COL27A1: variants seen among roughly 807,000 people sequenced by gnomAD.
COL27A1 encodes the protein collagen alpha-1(XXVII) chain.
In COL27A1, 106 loss-of-function variants were observed where a neutral mutation model predicts 251.3. That is an observed-to-expected ratio of 0.42 (90% CI 0.36 to 0.50). The LOEUF (loss-of-function observed/expected upper bound fraction) is 0.50. Among genes scored for constraint, COL27A1 ranks in the 20% least tolerant of loss-of-function variants. The pLI, the probability that COL27A1 is intolerant of heterozygous loss-of-function variation, is 0.00. For missense variants in COL27A1, 2,325 were observed against 2,522.8 expected, an observed-to-expected ratio of 0.92 and a Z score of 1.68; for synonymous variants, 1,000 against 986.3, an observed-to-expected ratio of 1.01 and a Z score of -0.26.
Position 114,242,233 on chromosome 9 carries a change from T to A in COL27A1, c.2880+2T>A. The stretch of plus-strand genomic sequence containing the variant: ...CCGCCAGGGGCCCCTGGCTTGGAGG[T>A]GAGTGTCACTGGCCTGGGGTAGGTG... On this transcript the variant is annotated splice_donor_variant, in intron 22 of 60. Transcript: ENST00000356083. LOFTEE classifies it high-confidence loss of function. 6.2e-7 allele frequency: 1 copy of A among 1,609,346 alleles called. No individual in the cohort carries two copies. The highest frequency in any genetic ancestry group is 8.5e-7 in the Non-Finnish European group (1 of 1,178,148).
chr9:114,174,714 C>A (rs4406486), intron 3 of COL27A1, among the ~76,000 whole-genome samples: 102,347 of 152,046 alleles, frequency 0.67, 34,674 homozygotes, highest in South Asian at 0.8. Context: ...CAAACTAAGG[C>A]CCGGAGGCCC....
chr9:114,299,547 C>T (rs777586178), intron 49 of COL27A1, among the ~76,000 whole-genome samples: 9 of 152,190 alleles, frequency 5.9e-5, no homozygotes, highest in African/African-American at 1.4e-4. Flanking sequence ...ATGGTGTCTG[C>T]GTGACTTTTA....
intron 2 of COL27A1, among the ~76,000 whole-genome samples, chr9:114,164,770 AT>A (rs1364116453): frequency 6.6e-6 from 1 of 152,240 alleles, no homozygotes; most frequent in African/African-American, 2.4e-5. Flanking sequence ...ACTAAAACAT[AT>A]ACCACTAAGA....
chr9:114,169,221 C>A lies in COL27A1; in HGVS notation c.1666C>A (p.Pro556Thr), dbSNP rs1030186054. Reference protein sequence around the residue: ...GPKSSPRKPVPLRPGKAARDV... With the variant: ...GPKSSPRKPVTLRPGKAARDV... The stretch of plus-strand genomic sequence containing the variant: ...CAAGAGCAGCCCCCGGAAGCCTGTC[C>A]CCCTCAGACCTGGGAAGGCAGCCAG... The change falls in exon 3 of 61, where the codon CCC becomes ACC. Residue 556 changes from proline (P) to threonine (T), a missense_variant. By Grantham distance (38) the Pro-to-Thr change is conservative. Coordinates refer to ENST00000356083, the MANE Select transcript of COL27A1 (RefSeq NM_032888.4). 5 of 1,613,860 alleles carry A rather than the reference C, an allele frequency of 3.1e-6. No homozygotes were observed. The African/African-American group carries it at 5.3e-5, about 17-fold the overall frequency.
chr9:114,194,294 G>C, intron 5 of COL27A1, 110 bp from the exon 6 acceptor site: 1 of 1,000,256 alleles, frequency 1.0e-6, no homozygotes, highest in Non-Finnish European at 1.6e-6. Context: ...GTGGGAGGAT[G>C]GATGGGAAGG....
In COL27A1 at chr9:114,301,069, T is replaced by C; in HGVS notation, c.4702-3T>C. 1.9e-6 allele frequency: 3 copies of C among 1,607,030 alleles called. No individual in the cohort carries two copies. The highest frequency in any genetic ancestry group is 2.6e-6 in the Non-Finnish European group (3 of 1,176,466). On this transcript the variant is annotated splice_region_variant and splice_polypyrimidine_tract_variant and intron_variant, in intron 51 of 60. Coordinates refer to ENST00000356083, the MANE Select transcript of COL27A1 (RefSeq NM_032888.4). The stretch of plus-strand genomic sequence containing the variant: ...GACACATGAGCCTTTCTGTCTCCTT[T>C]AGGGAAAGGAAGGCATCGTCGGGCC...
chr9:114,154,495 T>C (rs1399795738), upstream of COL27A1, among the ~76,000 whole-genome samples: 2 of 151,726 alleles, frequency 1.3e-5, no homozygotes, highest in Non-Finnish European at 2.9e-5. The surrounding 1 kb of genome is among the most constrained non-coding windows in gnomAD (Gnocchi z 5.8). Flanking sequence ...TGTGCACATG[T>C]GCGGTGGGCA....
intron 23 of COL27A1, 21 bp downstream of exon 23, chr9:114,243,581 C>T (rs748364767): frequency 4.7e-5 from 75 of 1,606,222 alleles, no homozygotes; most frequent in Non-Finnish European, 6.1e-5. Flanking sequence ...CTGGAGATCC[C>T]TGGGGACAAG....
intron 55 of COL27A1, 154 bp downstream of exon 55, chr9:114,301,871 C>T: frequency 1.1e-6 from 1 of 933,838 alleles, no homozygotes; most frequent in Admixed American, 2.4e-5. Context: ...ATCCCCCGAA[C>T]ATTCACTTTT....
At chr9:114,229,282 G>A (rs1404545359) in intron 14 of COL27A1, among the ~76,000 whole-genome samples, 1 of 152,252 alleles carries the variant, frequency 6.6e-6, no homozygotes, top group Non-Finnish European at 1.5e-5. Flanking sequence ...GGGGTTGGGA[G>A]AGTGAGAATC....
intron 45 of COL27A1, 133 bp downstream of exon 45, chr9:114,289,428 C>A (rs953586757): frequency 3.8e-6 from 3 of 785,460 alleles, no homozygotes; most frequent in Non-Finnish European, 6.0e-6. Context: ...CCACCAGGAG[C>A]CCGGCAGGCT....
At chr9:114,220,403 T>C (rs1831008276) in intron 13 of COL27A1, among the ~76,000 whole-genome samples, 1 of 152,122 alleles carries the variant, frequency 6.6e-6, no homozygotes, top group African/African-American at 2.4e-5. Flanking sequence ...GGAGAAGGTG[T>C]TCATGGTTCC....
Position 114,188,744 on chromosome 9 carries a change from T to G in COL27A1, c.2017-5660T>G, listed in dbSNP as rs1828554402. 2.0e-5 allele frequency among the ~76,000 whole-genome samples: 3 copies of G among 152,334 alleles called. No homozygotes were observed. In the East Asian group the frequency reaches 5.8e-4, roughly 29 times the overall value. On this transcript the variant is annotated intron_variant, in intron 5 of 60. Coordinates refer to ENST00000356083, the MANE Select transcript of COL27A1 (RefSeq NM_032888.4). The stretch of plus-strand genomic sequence containing the variant: ...CAATTGCCTTCTAGAAAGGTTAAAC[T>G]GATTTATGCTGCTGCTAGCATTAAA...
chr9:114,172,914 G>A (rs1225800591), intron 3 of COL27A1, among the ~76,000 whole-genome samples: 1 of 152,210 alleles, frequency 6.6e-6, no homozygotes, highest in African/African-American at 2.4e-5. Flanking sequence ...AGGGTGTTGG[G>A]ACAGCTCTCC....
intron 5 of COL27A1, among the ~76,000 whole-genome samples, chr9:114,183,943 T>C (rs1448221224): frequency 4.6e-5 from 7 of 152,090 alleles, no homozygotes; most frequent in Admixed American, 4.6e-4. Flanking sequence ...GAGGGCAAGG[T>C]TGTTGGGGCA....
chr9:114,216,081 C>T (rs529830972), intron 12 of COL27A1, among the ~76,000 whole-genome samples: 20 of 152,302 alleles, frequency 1.3e-4, no homozygotes, highest in African/African-American at 3.6e-4. Flanking sequence ...GATGTGGTGG[C>T]GAGGACCGTC....
intron 7 of COL27A1, among the ~76,000 whole-genome samples, chr9:114,200,793 G>A (rs936424859): frequency 2.6e-5 from 4 of 152,222 alleles, no homozygotes; most frequent in African/African-American, 4.8e-5. Context: ...CTGTCCTGCT[G>A]ATGGCCCAGT....
intron 56 of COL27A1, among the ~76,000 whole-genome samples, chr9:114,303,490 C>T (rs1025036287): frequency 2.5e-4 from 38 of 152,130 alleles, no homozygotes; most frequent in African/African-American, 8.9e-4. Context: ...ACACCCGCCT[C>T]GGCCTCCCAA....
intron 7 of COL27A1, among the ~76,000 whole-genome samples, chr9:114,196,776 G>T (rs1829165837): frequency 6.6e-6 from 1 of 152,100 alleles, no homozygotes; most frequent in East Asian, 1.9e-4. Context: ...GAAAAGACTG[G>T]CATTTCCTGG....
Sources: allele counts gnomAD v4.1 joint callset (sites outside exome capture counted in the v4.1 genomes callset), GRCh38; gene constraint gnomAD v4.1.1; non-coding constraint Gnocchi (gnomAD v3.1); transcripts MANE v1.5; gene names NCBI Gene and HGNC (gene_info 2026-07-23, HGNC 2026-07-21).